The following LHFPL3 variants were observed in gnomAD, a reference collection of about 807,000 sequenced individuals.
The protein encoded by LHFPL3 is LHFPL tetraspan subfamily member 3 protein.
In LHFPL3, 5 loss-of-function variants were observed where a neutral mutation model predicts 19.3. That is an observed-to-expected ratio of 0.26 (90% confidence interval 0.14 to 0.54). The LOEUF (loss-of-function observed/expected upper bound fraction) is 0.54. Ranked by LOEUF, LHFPL3 falls within the 20% of genes least tolerant of loss-of-function variation. LHFPL3 has a pLI of 0.94. For missense variants in LHFPL3, 249 were observed against 307.4 expected (o/e 0.81, Z 1.42); for synonymous variants, 133 against 126.2 (o/e 1.05, Z -0.36).
chr7:104,904,937 G>A (rs1407314384), intron 2 of LHFPL3, among the ~76,000 whole-genome samples: 1 of 152,120 alleles, frequency 6.6e-6, no homozygotes, highest in Non-Finnish European at 1.5e-5. Context: ...TATCCCCTGA[G>A]AATTCATCCA....
intron 2 of LHFPL3, among the ~76,000 whole-genome samples, chr7:104,842,058 C>T (rs147558100): frequency 1.3e-5 from 2 of 152,132 alleles, no homozygotes; most frequent in South Asian, 2.1e-4. Context: ...TACCTTCCCC[C>T]ACCATGAATA....
chr7:104,548,818 G>C lies in LHFPL3; in HGVS notation c.446-187857G>C, dbSNP rs146402892. ...AGTACTAACAGCCAACTATGAACCA[G>C]CCTAGGGAGGATTTGAGGCAACTGC... On this transcript the variant is annotated intron_variant, in intron 1 of 2. Transcript: ENST00000424859. Among the ~76,000 whole-genome samples the C allele has an allele frequency of 8.1e-3, 1,232 of 152,264 alleles. 29 individuals carry two copies. Among genetic ancestry groups the C allele is most frequent in the Admixed American group, 0.048 (736 of 15,294 alleles).
intron 1 of LHFPL3, among the ~76,000 whole-genome samples, chr7:104,334,663 A>C (rs375651394): frequency 1.3e-5 from 2 of 152,174 alleles, no homozygotes; most frequent in Non-Finnish European, 2.9e-5. Context: ...CACTGAAAGA[A>C]CTAGTCCTTG....
At chr7:104,329,540 G>A (rs1801531519) in intron 1 of LHFPL3, among the ~76,000 whole-genome samples, 1 of 152,246 alleles carries the variant, frequency 6.6e-6, no homozygotes, top group African/African-American at 2.4e-5. Flanking sequence ...GGGTGGAGAA[G>A]TGGCCGCTTA....
In LHFPL3 at chr7:104,551,070, C is replaced by A. The variant is rs760454475; in HGVS notation, c.446-185605C>A. Among the ~76,000 whole-genome samples, 9 of 151,838 alleles carry A rather than the reference C, an allele frequency of 5.9e-5. 1 individual carries two copies. The highest frequency in any genetic ancestry group is 4.6e-4 in the Admixed American group (7 of 15,226). Reference sequence around the variant, plus strand: ...ACACAATGCGCTAATCAGAACATTTCTTAATAGACTTCAATGAGGTTCATG... The same window carrying A: ...ACACAATGCGCTAATCAGAACATTTATTAATAGACTTCAATGAGGTTCATG... On this transcript the variant is annotated intron_variant, in intron 1 of 2. Coordinates refer to ENST00000424859, the MANE Select transcript of LHFPL3 (RefSeq NM_199000.3).
chr7:104,655,670 T>C (rs10266416), intron 1 of LHFPL3, among the ~76,000 whole-genome samples: 2,967 of 152,326 alleles, frequency 0.019, 109 homozygotes, highest in African/African-American at 0.068. Context: ...CAGGCTACTT[T>C]GGCAAGGTGC....
At chr7:104,832,903 G>C (rs1465392751) in intron 2 of LHFPL3, among the ~76,000 whole-genome samples, 1 of 132,424 alleles carries the variant, frequency 7.6e-6, no homozygotes. Flanking sequence ...CTTGAACCTG[G>C]GAGGCAGAGG....
chr7:104,608,740 G>T (rs1229002135), intron 1 of LHFPL3, among the ~76,000 whole-genome samples: 1 of 152,148 alleles, frequency 6.6e-6, no homozygotes, highest in Non-Finnish European at 1.5e-5. Context: ...TTTTTTTGAA[G>T]TGAGAATGAG....
chr7:104,594,692 G>T (rs1790803796), intron 1 of LHFPL3, among the ~76,000 whole-genome samples: 1 of 152,118 alleles, frequency 6.6e-6, no homozygotes, highest in South Asian at 2.1e-4. Flanking sequence ...CGTAGATTTG[G>T]TCTTTTCACA....
chr7:104,587,501 T>G (rs1790605530), intron 1 of LHFPL3, among the ~76,000 whole-genome samples: 2 of 152,238 alleles, frequency 1.3e-5, no homozygotes, highest in Admixed American at 1.3e-4. Flanking sequence ...TGCCACATTT[T>G]CTTAATCCAG....
At chr7:104,408,966 G>T (rs1449496344) in intron 1 of LHFPL3, among the ~76,000 whole-genome samples, 1 of 146,338 alleles carries the variant, frequency 6.8e-6, no homozygotes, top group Non-Finnish European at 1.5e-5. Context: ...CGGGGCTCAT[G>T]CCATTCTCCT....
intron 2 of LHFPL3, among the ~76,000 whole-genome samples, chr7:104,788,592 T>C (rs943541442): frequency 6.6e-6 from 1 of 152,208 alleles, no homozygotes; most frequent in Non-Finnish European, 1.5e-5. Context: ...GCTTTCTCAC[T>C]GACTAAAGCC....
intron 1 of LHFPL3, among the ~76,000 whole-genome samples, chr7:104,696,438 G>A (rs1208859810): frequency 2.9e-5 from 2 of 67,966 alleles, no homozygotes; most frequent in South Asian, 7.0e-4. Context: ...AATAAAAAGT[G>A]TTACTAGGTG....
intron 1 of LHFPL3, among the ~76,000 whole-genome samples, chr7:104,509,402 T>C (rs1175882847): frequency 1.3e-5 from 2 of 152,146 alleles, no homozygotes; most frequent in African/African-American, 4.8e-5. Context: ...GTGGGACTTA[T>C]TCCAAGGATG....
At chr7:104,359,269 A>G (rs1790344395) in intron 1 of LHFPL3, among the ~76,000 whole-genome samples, 1 of 152,226 alleles carries the variant, frequency 6.6e-6, no homozygotes, top group South Asian at 2.1e-4. Flanking sequence ...GGAGGAATTT[A>G]TTTACTGGCA....
At chr7:104,887,501 C>A (rs1005013515) in intron 2 of LHFPL3, among the ~76,000 whole-genome samples, 7 of 152,186 alleles carry the variant, frequency 4.6e-5, no homozygotes, top group African/African-American at 1.7e-4. Context: ...TAAATCAATT[C>A]TCATCAGTCA....
chr7:104,666,405 T>C (rs931423293), intron 1 of LHFPL3, among the ~76,000 whole-genome samples: 3 of 151,566 alleles, frequency 2.0e-5, no homozygotes, highest in Non-Finnish European at 4.4e-5. Context: ...TTAGCTCCCA[T>C]ATATGAGTGA....
chr7:104,354,399 G>A (rs2116395842), intron 1 of LHFPL3, among the ~76,000 whole-genome samples: 1 of 152,288 alleles, frequency 6.6e-6, no homozygotes, highest in Middle Eastern at 3.4e-3. Context: ...TTTGGGAATT[G>A]CTGGACCATA....
intron 1 of LHFPL3, among the ~76,000 whole-genome samples, chr7:104,368,940 C>G (rs941656997): frequency 6.6e-6 from 1 of 152,208 alleles, no homozygotes; most frequent in Non-Finnish European, 1.5e-5. Flanking sequence ...CCAGCCCTTA[C>G]AGACACTGTG....
Sources: allele counts gnomAD v4.1 joint callset (sites outside exome capture counted in the v4.1 genomes callset), GRCh38; gene constraint gnomAD v4.1.1; transcripts MANE v1.5; gene names NCBI Gene and HGNC (gene_info 2026-07-23, HGNC 2026-07-21).